C1orf87: variants seen among roughly 807,000 people sequenced by gnomAD.
C1orf87 encodes the protein uncharacterized protein C1orf87.
C1orf87 carries 58 observed loss-of-function variants against 60.5 expected under a neutral mutation model. That is an observed-to-expected ratio of 0.96 (90% CI 0.78 to 1.19). C1orf87 has a LOEUF of 1.19. Ranked by LOEUF, C1orf87 falls within the 50% of genes most tolerant of loss-of-function variation. The pLI, the probability that C1orf87 is intolerant of heterozygous loss-of-function variation, is 0.00. For synonymous variants in C1orf87, 236 were observed against 227.4 expected (o/e 1.04, Z -0.34); for missense variants, 673 against 638.6 (o/e 1.05, Z -0.58).
intron 2 of C1orf87, among the ~76,000 whole-genome samples, chr1:60,058,917 C>A (rs1479327306): frequency 6.6e-6 from 1 of 152,150 alleles, no homozygotes; most frequent in Non-Finnish European, 1.5e-5. Flanking sequence ...AAGGCAGGGA[C>A]AATGGATTAT....
chr1:60,030,385 T>C (rs953960243), intron 7 of C1orf87, among the ~76,000 whole-genome samples: 4 of 151,834 alleles, frequency 2.6e-5, no homozygotes, highest in Non-Finnish European at 4.4e-5. Context: ...CAGAAGGAGG[T>C]CTTACAGTCC....
chr1:59,993,574 C>A (rs1359577014), intron 11 of C1orf87, among the ~76,000 whole-genome samples: 1 of 151,518 alleles, frequency 6.6e-6, no homozygotes, highest in Non-Finnish European at 1.5e-5. Flanking sequence ...TAAGCTTTAC[C>A]ATTGATAGAA....
At chr1:60,067,603 T>C (rs924101087) in intron 2 of C1orf87, among the ~76,000 whole-genome samples, 2 of 149,488 alleles carry the variant, frequency 1.3e-5, no homozygotes, top group Admixed American at 1.3e-4. Context: ...TTTAAGTCCC[T>C]TGTAGACTCT....
chr1:60,044,067 T>G (rs992110941), intron 3 of C1orf87, among the ~76,000 whole-genome samples: 2 of 152,222 alleles, frequency 1.3e-5, no homozygotes, highest in African/African-American at 2.4e-5. Context: ...TCTCGCTCTG[T>G]TGTCCAGGCT....
At chr1:60,003,937 A>G (rs1410249827) in intron 9 of C1orf87, among the ~76,000 whole-genome samples, 1 of 152,050 alleles carries the variant, frequency 6.6e-6, no homozygotes, top group Admixed American at 6.6e-5. Context: ...CTAAATGAAG[A>G]GTATGATGGC....
At chr1:60,060,580 G>A (rs1001556448) in intron 2 of C1orf87, among the ~76,000 whole-genome samples, 1 of 151,876 alleles carries the variant, frequency 6.6e-6, no homozygotes, top group Non-Finnish European at 1.5e-5. Flanking sequence ...TAGTAGATAG[G>A]AACTCAAGAA....
chr1:60,001,311 A>T (rs1171334078), intron 9 of C1orf87, among the ~76,000 whole-genome samples, 155 bp from the exon 10 acceptor site: 1 of 152,062 alleles, frequency 6.6e-6, no homozygotes, highest in Non-Finnish European at 1.5e-5. Flanking sequence ...CACTCTGATG[A>T]GTGAGAAAAA....
chr1:60,014,261 C>A (rs1645110171), intron 8 of C1orf87, among the ~76,000 whole-genome samples: 1 of 152,050 alleles, frequency 6.6e-6, no homozygotes, highest in Non-Finnish European at 1.5e-5. Flanking sequence ...CTTGGGTCCC[C>A]AAATCAAGGG....
rs148672699 is a variant in C1orf87, at chr1:60,008,735, G to A, written c.1192+1657C>T. ...AACCTCAGGTCAGATGAACAGCCACGTGACATCACTTCAATGGTCTCCTCA... is the reference window on the plus strand; with the variant it reads ...AACCTCAGGTCAGATGAACAGCCACATGACATCACTTCAATGGTCTCCTCA... On this transcript the variant is annotated intron_variant, in intron 9 of 11. Transcript: ENST00000371201. The A allele has an allele frequency of 6.8e-3, 3,099 of 453,770 alleles. 16 individuals are homozygous for A. The highest frequency in any genetic ancestry group is 9.2e-3 in the Non-Finnish European group (2,076 of 225,832). The allele number at this position is 453,770 out of a possible 1,614,324, so 28.1% of individuals were successfully genotyped here.
intron 3 of C1orf87, among the ~76,000 whole-genome samples, chr1:60,047,552 C>G (rs1645381531): frequency 6.6e-6 from 1 of 152,136 alleles, no homozygotes; most frequent in Non-Finnish European, 1.5e-5. Flanking sequence ...TGCAAGGCTA[C>G]TCATTGCTTC....
intron 2 of C1orf87, among the ~76,000 whole-genome samples, chr1:60,061,254 G>A (rs1012899282): frequency 1.3e-5 from 2 of 152,194 alleles, no homozygotes; most frequent in Admixed American, 6.5e-5. Flanking sequence ...CTTAGCTGGC[G>A]AAACTAAAGG....
chr1:60,063,186 C>T (rs1438709461), intron 2 of C1orf87, among the ~76,000 whole-genome samples: 1 of 152,040 alleles, frequency 6.6e-6, no homozygotes, highest in Non-Finnish European at 1.5e-5. Flanking sequence ...AGATATTCAG[C>T]TATTGTGTAG....
chr1:60,059,976 G>T (rs1198978900), intron 2 of C1orf87, among the ~76,000 whole-genome samples: 1 of 152,070 alleles, frequency 6.6e-6, no homozygotes, highest in Non-Finnish European at 1.5e-5. Flanking sequence ...GGAAATGGGA[G>T]GGGAGTACAG....
At chr1:60,070,335 A>T (rs905711712) in intron 2 of C1orf87, among the ~76,000 whole-genome samples, 2 of 151,980 alleles carry the variant, frequency 1.3e-5, no homozygotes, top group Non-Finnish European at 2.9e-5. Flanking sequence ...TTTAATTCAA[A>T]TTTTCATTTT....
chr1:60,024,591 G>C (rs1445269710), intron 8 of C1orf87, among the ~76,000 whole-genome samples: 1 of 152,102 alleles, frequency 6.6e-6, no homozygotes, highest in Non-Finnish European at 1.5e-5. Context: ...ACGGCTCCCT[G>C]GGGATTTCTC....
intron 9 of C1orf87, among the ~76,000 whole-genome samples, chr1:60,008,396 T>C (rs1376247612): frequency 6.6e-6 from 1 of 152,104 alleles, no homozygotes; most frequent in African/African-American, 2.4e-5. Context: ...ATTTTTCTGC[T>C]ATTCCATATG....
intron 9 of C1orf87, among the ~76,000 whole-genome samples, 177 bp downstream of exon 9, chr1:60,010,215 A>C (rs1265371751): frequency 6.6e-6 from 1 of 152,034 alleles, no homozygotes; most frequent in African/African-American, 2.4e-5. Flanking sequence ...ACTGGCCTAA[A>C]AGAATAGCCA....
At chr1:60,032,193 A>G (rs903528598) in intron 7 of C1orf87, among the ~76,000 whole-genome samples, 3 of 152,284 alleles carry the variant, frequency 2.0e-5, no homozygotes, top group East Asian at 3.9e-4. Context: ...ACCTAGATGA[A>G]AGGCATTTTC....
At chr1:60,010,348 A>G (rs1574298889) in intron 9 of C1orf87, 44 bp downstream of exon 9, 1 of 1,540,854 alleles carries the variant, frequency 6.5e-7, no homozygotes, top group Non-Finnish European at 9.0e-7. Context: ...AATAGCTGTG[A>G]AAAATGGAAG....
Sources: gnomAD v4.1 joint callset for allele counts (sites outside exome capture counted in the v4.1 genomes callset) on GRCh38, gnomAD v4.1.1 for gene constraint, MANE v1.5 for transcripts, NCBI Gene and HGNC (gene_info 2026-07-23, HGNC 2026-07-21) for gene names.